Variants in SLC44A5 observed in about 807,000 individuals in gnomAD.
SLC44A5 encodes solute carrier family 44 member 5, also known as choline transporter-like protein 5.
SLC44A5 carries 57 observed loss-of-function variants against 101.8 expected under a neutral mutation model. The observed-to-expected ratio is 0.56, with a 90% confidence interval of 0.45 to 0.70. The LOEUF (loss-of-function observed/expected upper bound fraction) is 0.70. Ranked by LOEUF, SLC44A5 falls within the 30% of genes least tolerant of loss-of-function variation. SLC44A5 has a pLI of 0.00. For missense variants in SLC44A5, 737 were observed against 853.1 expected (o/e 0.86, Z 1.70); for synonymous variants, 281 against 290.9 (o/e 0.97, Z 0.35).
At chr1:75,267,426 A>G (rs642923) in intron 6 of SLC44A5, among the ~76,000 whole-genome samples, 126,197 of 152,084 alleles carry the variant, frequency 0.83, 52,637 homozygotes, top group East Asian at 0.95. Flanking sequence ...AAAATTCGGT[A>G]GGAATATAAA....
the SLC44A5 span, among the ~76,000 whole-genome samples, chr1:75,675,785 A>G: frequency 1.3e-5 from 2 of 152,216 alleles, no homozygotes; most frequent in African/African-American, 4.8e-5. Context: ...GAATGAGAGA[A>G]AATTTTTGCA....
chr1:75,675,148 G>A, the SLC44A5 span, among the ~76,000 whole-genome samples: 1 of 152,210 alleles, frequency 6.6e-6, no homozygotes, highest in African/African-American at 2.4e-5. Flanking sequence ...ATCCTGTGAA[G>A]AATGTCAACA....
chr1:75,556,890 G>A (rs1052331753), intron 1 of SLC44A5, among the ~76,000 whole-genome samples: 1 of 152,008 alleles, frequency 6.6e-6, no homozygotes, highest in Admixed American at 6.6e-5. Flanking sequence ...AGAAAGACGG[G>A]TGATGAGTAC....
At chr1:75,403,100 C>T (rs1343262484) in intron 2 of SLC44A5, among the ~76,000 whole-genome samples, 2 of 152,138 alleles carry the variant, frequency 1.3e-5, no homozygotes, top group Non-Finnish European at 2.9e-5. Flanking sequence ...CTGGGTGGAG[C>T]CCACCACAGC....
At chr1:75,493,141 G>GCGTCATGT (rs1187221432) in intron 2 of SLC44A5, among the ~76,000 whole-genome samples, 1 of 152,136 alleles carries the variant, frequency 6.6e-6, no homozygotes, top group African/African-American at 2.4e-5. Flanking sequence ...GACACATTCA[G>GCGTCATGT]CGTCATGTTT....
chr1:75,462,561 T>C lies in SLC44A5; in HGVS notation c.14-65940A>G, dbSNP rs142786622. Reference sequence around the variant, plus strand: ...TAAATAACGCATCAGGGACCAGTCCTGGAGAAACAGATATGCGACCTTTCA... The same window carrying C: ...TAAATAACGCATCAGGGACCAGTCCCGGAGAAACAGATATGCGACCTTTCA... On this transcript the variant is annotated intron_variant, in intron 2 of 23. Coordinates refer to ENST00000370859, the MANE Select transcript of SLC44A5 (RefSeq NM_001130058.2). 5.0e-3 allele frequency among the ~76,000 whole-genome samples: 757 copies of C among 152,188 alleles called. 5 individuals are homozygous for C. The highest frequency in any genetic ancestry group is 6.2e-3 in the Non-Finnish European group (420 of 68,012).
chr1:75,645,346 G>T, the SLC44A5 span, among the ~76,000 whole-genome samples: 1 of 152,136 alleles, frequency 6.6e-6, no homozygotes, highest in African/African-American at 2.4e-5. Context: ...GTATCTCATT[G>T]TGGTTTTGAT....
At chr1:75,397,426 A>G (rs1662195035) in intron 2 of SLC44A5, among the ~76,000 whole-genome samples, 1 of 152,190 alleles carries the variant, frequency 6.6e-6, no homozygotes, top group African/African-American at 2.4e-5. Flanking sequence ...TGGTTTCCCC[A>G]TTGATTTTTC....
chr1:75,684,385 T>C, the SLC44A5 span, among the ~76,000 whole-genome samples: 2 of 152,140 alleles, frequency 1.3e-5, no homozygotes, highest in Admixed American at 6.5e-5. Flanking sequence ...TTTAACTCAT[T>C]TCAGTATGAA....
chr1:75,314,876 T>A (rs541328501), intron 4 of SLC44A5, among the ~76,000 whole-genome samples: 62 of 152,306 alleles, frequency 4.1e-4, no homozygotes, highest in African/African-American at 1.4e-3. Flanking sequence ...TTTTAGGTAG[T>A]TGAACTGCAG....
At chr1:75,542,675 T>A (rs767960728) in intron 1 of SLC44A5, among the ~76,000 whole-genome samples, 2 of 152,144 alleles carry the variant, frequency 1.3e-5, no homozygotes, top group Non-Finnish European at 2.9e-5. Context: ...TTCCTTGTAC[T>A]GATTGGTGTC....
intron 5 of SLC44A5, among the ~76,000 whole-genome samples, chr1:75,286,385 G>A (rs1653048119): frequency 6.6e-6 from 1 of 152,058 alleles, no homozygotes; most frequent in Non-Finnish European, 1.5e-5. Flanking sequence ...TGAGTCTCTT[G>A]AAGATAGCAG....
At position 75,213,909 on chromosome 1, in the gene SLC44A5, G is replaced by T; in HGVS notation, c.1873+10C>A. ...CTTTTTTTTTTATTATTTTCATCAT[G>T]ATTACTTACCTATACTTCCAGCAAC... On this transcript the variant is annotated intron_variant, in intron 21 of 23. Transcript: ENST00000370859. 6.4e-7 allele frequency: 1 copy of T among 1,554,862 alleles called. No homozygotes were observed. Among genetic ancestry groups the T allele is most frequent in the Non-Finnish European group, 8.8e-7 (1 of 1,140,210 alleles).
chr1:75,584,782 A>G (rs1673902370), intron 1 of SLC44A5, among the ~76,000 whole-genome samples: 1 of 151,992 alleles, frequency 6.6e-6, no homozygotes, highest in Non-Finnish European at 1.5e-5. Flanking sequence ...TTTTCAGTAG[A>G]GAAGGGGTTT....
chr1:75,567,681 T>C (rs1672861497), intron 1 of SLC44A5, among the ~76,000 whole-genome samples: 1 of 152,136 alleles, frequency 6.6e-6, no homozygotes, highest in Non-Finnish European at 1.5e-5. Flanking sequence ...CACGGATGTA[T>C]GAAATAAAGC....
chr1:75,368,643 G>GCACA (rs10598515), intron 3 of SLC44A5, among the ~76,000 whole-genome samples: 1,507 of 144,078 alleles, frequency 0.01, 29 homozygotes, highest in African/African-American at 0.034. Context: ...AAATGTGCAT[G>GCACA]CACACACACA....
At chr1:75,407,716 T>C (rs759732702) in intron 2 of SLC44A5, among the ~76,000 whole-genome samples, 1 of 152,228 alleles carries the variant, frequency 6.6e-6, no homozygotes, top group Non-Finnish European at 1.5e-5. Flanking sequence ...TAACTCAAGA[T>C]GGATTAAAGT....
chr1:75,433,436 C>A (rs1040839737), intron 2 of SLC44A5, among the ~76,000 whole-genome samples: 5 of 152,100 alleles, frequency 3.3e-5, no homozygotes, highest in Non-Finnish European at 7.4e-5. Context: ...CTCTCTCTTT[C>A]TTGAATTTTC....
intron 3 of SLC44A5, among the ~76,000 whole-genome samples, chr1:75,354,615 G>C (rs1212856587): frequency 1.3e-5 from 2 of 152,116 alleles, no homozygotes; most frequent in African/African-American, 2.4e-5. Context: ...CTCTCAAACT[G>C]TCTTTTTCTC....
Sources: allele counts gnomAD v4.1 joint callset (sites outside exome capture counted in the v4.1 genomes callset), GRCh38; gene constraint gnomAD v4.1.1; transcripts MANE v1.5; gene names NCBI Gene and HGNC (gene_info 2026-07-23, HGNC 2026-07-21).